DUSP10: variants seen among roughly 807,000 people sequenced by gnomAD.
DUSP10 encodes dual specificity protein phosphatase 10.
In DUSP10, 14 loss-of-function variants were observed where a neutral mutation model predicts 30.8. That is an observed-to-expected ratio of 0.46 (90% CI 0.30 to 0.71). DUSP10 has a LOEUF of 0.71. Ranked by LOEUF, DUSP10 falls within the 30% of genes least tolerant of loss-of-function variation. The pLI, the probability that DUSP10 is intolerant of heterozygous loss-of-function variation, is 0.08. For synonymous variants in DUSP10, 254 were observed against 250.4 expected (o/e 1.01, Z -0.14); for missense variants, 550 against 619.4 (o/e 0.89, Z 1.19).
chr1:221,738,009 G>T (rs116603260), intron 2 of DUSP10, among the ~76,000 whole-genome samples: 3,720 of 152,280 alleles, frequency 0.024, 162 homozygotes, highest in African/African-American at 0.083. Flanking sequence ...CCAGGTAAAA[G>T]ATGCCGAATG....
intron 1 of DUSP10, among the ~76,000 whole-genome samples, chr1:221,740,014 G>A (rs1305539779): frequency 6.6e-6 from 1 of 152,208 alleles, no homozygotes; most frequent in Non-Finnish European, 1.5e-5. Context: ...AAATTTGGAT[G>A]TAATGTTGTA....
intron 2 of DUSP10, among the ~76,000 whole-genome samples, chr1:221,715,368 T>G (rs1190840413): frequency 6.6e-6 from 1 of 152,120 alleles, no homozygotes; most frequent in Non-Finnish European, 1.5e-5. Flanking sequence ...GGCTCAGAAG[T>G]TGCCTCAGGG....
chr1:221,717,458 C>CAGAGAG (rs34500007), intron 2 of DUSP10, among the ~76,000 whole-genome samples: 2 of 149,240 alleles, frequency 1.3e-5, no homozygotes, highest in African/African-American at 4.9e-5. Flanking sequence ...GGAAAAGAAA[C>CAGAGAG]AGAGAGAGAG....
intron 2 of DUSP10, among the ~76,000 whole-genome samples, chr1:221,713,265 T>C (rs1200276993): frequency 6.6e-6 from 1 of 152,152 alleles, no homozygotes; most frequent in African/African-American, 2.4e-5. Context: ...GTGTACTCAG[T>C]GCTGTTAGCC....
chr1:221,739,560 G>A lies in DUSP10; in HGVS notation c.185C>T (p.Pro62Leu), dbSNP rs376842994. ...CGAGCGGGCAGAGCCGCTGGATGAG[G>A]GCATATACGTCAGATTCGCAGCCTT... ...SLKAANLTYM[P>L]SSSGSARSLN... is the part of the protein sequence containing the mutation. The change falls in exon 2 of 4, where the codon CCC (proline) becomes CTC (leucine). Residue 62 changes from proline to leucine, a missense_variant. By Grantham distance (98) the Pro-to-Leu change is moderately conservative. Transcript: ENST00000366899. 6.2e-6 allele frequency: 10 copies of A among 1,614,092 alleles called. No individual in the cohort carries two copies. Among genetic ancestry groups the A allele is most frequent in the Non-Finnish European group, 6.8e-6 (8 of 1,180,052 alleles).
intron 2 of DUSP10, among the ~76,000 whole-genome samples, chr1:221,708,889 G>A (rs1660849007): frequency 6.6e-6 from 1 of 151,660 alleles, no homozygotes; most frequent in Non-Finnish European, 1.5e-5. Flanking sequence ...CATATAAGAT[G>A]AGAGGGAAGA....
intron 2 of DUSP10, among the ~76,000 whole-genome samples, chr1:221,712,600 T>C (rs973359885): frequency 6.6e-6 from 1 of 152,034 alleles, no homozygotes; most frequent in African/African-American, 2.4e-5. Flanking sequence ...TGAATCCCAT[T>C]GAGTACCCAT....
At chr1:221,719,448 A>T (rs907655677) in intron 2 of DUSP10, among the ~76,000 whole-genome samples, 3 of 152,046 alleles carry the variant, frequency 2.0e-5, no homozygotes, top group Non-Finnish European at 1.5e-5. Context: ...ATGCACTAAG[A>T]GACATACAAA....
chr1:221,719,582 T>C (rs1342353048), intron 2 of DUSP10, among the ~76,000 whole-genome samples: 1 of 152,156 alleles, frequency 6.6e-6, no homozygotes. Context: ...TGGAATTACA[T>C]ATTGTCAACA....
chr1:221,740,932 AG>A (rs376425126), intron 1 of DUSP10, among the ~76,000 whole-genome samples: 35 of 152,294 alleles, frequency 2.3e-4, no homozygotes, highest in African/African-American at 8.2e-4. Flanking sequence ...CACATAGCAA[AG>A]ACGCCAAACC....
chr1:221,718,558 C>T (rs1661186729), intron 2 of DUSP10, among the ~76,000 whole-genome samples: 1 of 152,176 alleles, frequency 6.6e-6, no homozygotes, highest in South Asian at 2.1e-4. Context: ...CTCCCGAGAG[C>T]TCAACCAGAT....
Position 221,706,250 on chromosome 1 carries a change from A to G in DUSP10, c.1028T>C (p.Met343Thr). ...GACGTAGCCGATGTTCAGCCGCTGC[A>G]TGGTGTCCAGGTCCTGAGCATCCTG... Reference protein sequence around the residue: ...NEQDAQDLDTMQRLNIGYVIN... With the variant: ...NEQDAQDLDTTQRLNIGYVIN... Residue 343 changes from methionine (M) to threonine (T), a missense_variant, in exon 3 of 4, where the codon ATG (methionine) becomes ACG (threonine). By Grantham distance (81) the Met-to-Thr change is moderately conservative (BLOSUM62 -1). Coordinates refer to ENST00000366899, the MANE Select transcript of DUSP10 (RefSeq NM_007207.6). This position sits in a 1 kb window ranked among gnomAD's most constrained non-coding sequence, Gnocchi z 4.6. 10 of 1,614,200 alleles carry G rather than the reference A, an allele frequency of 6.2e-6. No individual in the cohort carries two copies. Among genetic ancestry groups the G allele is most frequent in the Non-Finnish European group, 8.5e-6 (10 of 1,180,042 alleles).
chr1:221,702,358 C>G lies in DUSP10; in HGVS notation c.*54G>C. 6.4e-7 allele frequency: 1 copy of G among 1,559,786 alleles called. No individual in the cohort carries two copies. The highest frequency in any genetic ancestry group is 8.7e-7 in the Non-Finnish European group (1 of 1,152,782). On this transcript the variant is annotated 3_prime_UTR_variant, in exon 4 of 4. Coordinates refer to ENST00000366899, the MANE Select transcript of DUSP10 (RefSeq NM_007207.6). The surrounding 1 kb of genome is among the most constrained non-coding windows in gnomAD (Gnocchi z 4.5). ...AAGAAAAAAAACCAGAATCCATCCT[C>G]CTTCCTCATTGTCTCCTAATGGAGA...
intron 2 of DUSP10, among the ~76,000 whole-genome samples, chr1:221,720,818 C>T (rs1030335168): frequency 6.6e-6 from 1 of 152,196 alleles, no homozygotes; most frequent in South Asian, 2.1e-4. Flanking sequence ...TACAGCTACC[C>T]TTCCAAATCT....
Position 221,723,013 on chromosome 1 carries a change from G to A in DUSP10, c.811+15921C>T, listed in dbSNP as rs531711518. On this transcript the variant is annotated intron_variant, in intron 2 of 3. Transcript: ENST00000366899. ...TGATTAAAAAACACAACAAAAAATCGAAATACTCCTTACCCATAGTATCAC... is the reference window on the plus strand; with the variant it reads ...TGATTAAAAAACACAACAAAAAATCAAAATACTCCTTACCCATAGTATCAC... 4.1e-4 allele frequency among the ~76,000 whole-genome samples: 62 copies of A among 152,146 alleles called. 1 individual carries two copies. The highest frequency in any genetic ancestry group is 3.4e-3 in the Middle Eastern group (1 of 294).
chr1:221,736,996 G>A (rs930858185), intron 2 of DUSP10: 43 of 985,370 alleles, frequency 4.4e-5, no homozygotes, highest in Non-Finnish European at 3.1e-5. Context: ...CTGACACTGA[G>A]GAAGAAGTCT....
At position 221,718,490 on chromosome 1, in the gene DUSP10, G is replaced by A. The variant is rs1661184697; in HGVS notation, c.812-12024C>T. Among the ~76,000 whole-genome samples, 3 of 152,160 alleles carry A rather than the reference G, an allele frequency of 2.0e-5. No individual in the cohort carries two copies. In the South Asian group the frequency reaches 6.2e-4, roughly 32 times the overall value. On this transcript the variant is annotated intron_variant, in intron 2 of 3. Coordinates refer to ENST00000366899, the MANE Select transcript of DUSP10 (RefSeq NM_007207.6). Reference sequence around the variant, plus strand: ...AAAATCCATGAGATCATCCTGGGAAGCTGCAGAGAGAGGAATGTTAACAGG... The same window carrying A: ...AAAATCCATGAGATCATCCTGGGAAACTGCAGAGAGAGGAATGTTAACAGG...
Position 221,706,088 on chromosome 1 carries a change from T to C in DUSP10, c.1183+7A>G, listed in dbSNP as rs1018934087. On this transcript the variant is annotated splice_region_variant and intron_variant, in intron 3 of 3. Transcript: ENST00000366899. The surrounding 1 kb of genome is among the most constrained non-coding windows in gnomAD (Gnocchi z 4.6). ...GCGGATGAAAATTCCCTATGGGAGA[T>C]AGTTACCAATGAACTCAAAAGCCTC... is the stretch of plus-strand genomic sequence containing the variant. 1 of 1,609,230 alleles carries C rather than the reference T, an allele frequency of 6.2e-7. No homozygotes were observed. The highest frequency in any genetic ancestry group is 1.1e-5 in the South Asian group (1 of 90,738).
rs1571806453 is a variant in DUSP10 at position 221,706,039 on chromosome 1, A to G, written c.1183+56T>C. On this transcript the variant is annotated intron_variant, in intron 3 of 3. Coordinates refer to ENST00000366899, the MANE Select transcript of DUSP10 (RefSeq NM_007207.6). This position sits in a 1 kb window ranked among gnomAD's most constrained non-coding sequence, Gnocchi z 4.6. ...AAACCTTGAACTTGATATCAAAGCAAGAGCTGGAGGGAAAAGGAAGGCAGC... is the reference window on the plus strand; with the variant it reads ...AAACCTTGAACTTGATATCAAAGCAGGAGCTGGAGGGAAAAGGAAGGCAGC... The G allele has an allele frequency of 2.6e-6, 4 of 1,563,024 alleles. No individual in the cohort carries two copies. The highest frequency in any genetic ancestry group is 2.6e-6 in the Non-Finnish European group (3 of 1,154,376).
Sources: gnomAD v4.1 joint callset for allele counts (sites outside exome capture counted in the v4.1 genomes callset) on GRCh38, gnomAD v4.1.1 for gene constraint, Gnocchi (gnomAD v3.1) non-coding constraint, MANE v1.5 for transcripts, NCBI Gene and HGNC (gene_info 2026-07-23, HGNC 2026-07-21) for gene names.